Variants in ABCA13 observed in about 807,000 individuals in gnomAD.
The protein encoded by ABCA13 is ATP binding cassette subfamily A member 13, also known as ATP-binding cassette sub-family A member 13.
Under a neutral mutation model 478.7 loss-of-function variants are expected in ABCA13, and 476 were observed. The observed-to-expected ratio is 0.99, with a 90% CI of 0.92 to 1.07. The LOEUF (loss-of-function observed/expected upper bound fraction) is 1.07. ABCA13 is among the 50% of genes least tolerant of loss of function. The pLI is 0.00. For synonymous variants in ABCA13, 2,252 were observed against 2,158.9 expected, an observed-to-expected ratio of 1.04 and a Z score of -1.20; for missense variants, 6,060 against 5,910.6, an observed-to-expected ratio of 1.03 and a Z score of -0.83.
At chr7:48,570,478 C>A (rs1359258363) in intron 55 of ABCA13, among the ~76,000 whole-genome samples, 1 of 151,856 alleles carries the variant, frequency 6.6e-6, no homozygotes, top group Non-Finnish European at 1.5e-5. Context: ...GCGCCTGCCA[C>A]CACGCCTGGC....
Position 48,388,012 on chromosome 7 carries a change from T to G in ABCA13, c.11473+53T>G, listed in dbSNP as rs983422957. 6.4e-6 allele frequency: 10 copies of G among 1,571,120 alleles called. 1 individual carries two copies. In the African/African-American group the frequency reaches 1.1e-4, roughly 17 times the overall value. On this transcript the variant is annotated intron_variant, in intron 36 of 61. Coordinates refer to ENST00000435803, the MANE Select transcript of ABCA13 (RefSeq NM_152701.5). ...CATGTATTTTTCCTTTGATCCATTTTGATTTTTTTTTGTTTGTTTTTATGG... is the reference window on the plus strand; with the variant it reads ...CATGTATTTTTCCTTTGATCCATTTGGATTTTTTTTTGTTTGTTTTTATGG...
intron 38 of ABCA13, among the ~76,000 whole-genome samples, chr7:48,397,906 G>A (rs1817065256): frequency 6.6e-6 from 1 of 152,108 alleles, no homozygotes; most frequent in Non-Finnish European, 1.5e-5. Context: ...TTCTTCTTTT[G>A]TCCCCCGCTC....
intron 43 of ABCA13, among the ~76,000 whole-genome samples, chr7:48,455,577 C>T (rs1227666090): frequency 6.6e-6 from 1 of 152,188 alleles, no homozygotes; most frequent in African/African-American, 2.4e-5. Context: ...TGTCACCCGC[C>T]GACCTGCAGA....
At chr7:48,605,351 T>C (rs775073281) in intron 58 of ABCA13, among the ~76,000 whole-genome samples, 6 of 152,242 alleles carry the variant, frequency 3.9e-5, no homozygotes, top group Non-Finnish European at 5.9e-5. Flanking sequence ...TGGTATGTTT[T>C]TGCAGTGGCT....
At chr7:48,303,453 G>GT (rs1472569085) in intron 23 of ABCA13, among the ~76,000 whole-genome samples, 11 of 152,044 alleles carry the variant, frequency 7.2e-5, no homozygotes, top group Non-Finnish European at 1.6e-4. Context: ...GTCTTCCAGG[G>GT]TTTTTATAGT....
intron 59 of ABCA13, among the ~76,000 whole-genome samples, chr7:48,617,890 C>T (rs1792745587): frequency 6.6e-6 from 1 of 151,954 alleles, no homozygotes; most frequent in Non-Finnish European, 1.5e-5. Context: ...TGAGGAGCCA[C>T]AGAAATATAG....
intron 20 of ABCA13, among the ~76,000 whole-genome samples, chr7:48,293,172 C>T (rs1271768128): frequency 3.6e-5 from 5 of 140,232 alleles, no homozygotes; most frequent in African/African-American, 7.6e-5. Context: ...TAACGTTCAT[C>T]ATTTCCTGAG....
At chr7:48,592,428 G>A (rs1433474643) in intron 57 of ABCA13, among the ~76,000 whole-genome samples, 1 of 151,818 alleles carries the variant, frequency 6.6e-6, no homozygotes, top group African/African-American at 2.4e-5. Flanking sequence ...TACCATGGTG[G>A]TCTGAAATGA....
intron 47 of ABCA13, among the ~76,000 whole-genome samples, chr7:48,487,472 G>T (rs892065490): frequency 6.6e-6 from 1 of 151,934 alleles, no homozygotes; most frequent in African/African-American, 2.4e-5. Flanking sequence ...CTGTAGTGTG[G>T]TGTCATTTTT....
At chr7:48,538,758 T>A (rs200404807) in intron 55 of ABCA13, among the ~76,000 whole-genome samples, 21,166 of 152,122 alleles carry the variant, frequency 0.14, 1,831 homozygotes, top group African/African-American at 0.23. Flanking sequence ...TGATTTTTTT[T>A]GAATTCATTA....
chr7:48,226,761 C>T (rs1464308262), intron 5 of ABCA13, among the ~76,000 whole-genome samples: 2 of 152,132 alleles, frequency 1.3e-5, no homozygotes, highest in African/African-American at 4.8e-5. Context: ...AAGAAAGCCT[C>T]GGGTATCTAG....
At chr7:48,627,231 T>A (rs1040372637) in intron 59 of ABCA13, 1 of 230,314 alleles carries the variant, frequency 4.3e-6, no homozygotes, top group African/African-American at 2.3e-5. Flanking sequence ...GAAAAGCAGT[T>A]TTCAAACTCA....
chr7:48,278,086 A>T lies in ABCA13; in HGVS notation c.6900-8A>T, dbSNP rs10246853. ...AAATTAAAAGTATATATATATATAT[A>T]TTTACAGTTTTGTCCCAAAAGATAA... On this transcript the variant is annotated splice_polypyrimidine_tract_variant and splice_region_variant and intron_variant, in intron 17 of 61. Coordinates refer to ENST00000435803, the MANE Select transcript of ABCA13 (RefSeq NM_152701.5). 0.33 allele frequency: 345,116 copies of T among 1,053,346 alleles called. 57,040 individuals are homozygous for T. Among genetic ancestry groups the T allele is most frequent in the Middle Eastern group, 0.4 (1,375 of 3,400 alleles). The allele number at this position is 1,053,346 out of a possible 1,614,324, so 65.2% of individuals were successfully genotyped here. A position where few individuals can be genotyped will look rare whatever the true frequency, so the allele number is the denominator to read the frequency against.
intron 33 of ABCA13, 40 bp from the exon 34 acceptor site, chr7:48,374,307 A>C (rs1307109066): frequency 6.4e-7 from 1 of 1,571,840 alleles, no homozygotes. Context: ...TCCCAATCAA[A>C]ACACTAACGT....
At chr7:48,247,928 G>A (rs1298956134) in intron 13 of ABCA13, among the ~76,000 whole-genome samples, 2 of 152,176 alleles carry the variant, frequency 1.3e-5, no homozygotes, top group Non-Finnish European at 2.9e-5. Flanking sequence ...GTGGTACTGA[G>A]AGTGAGACTC....
chr7:48,553,704 T>C (rs1609213), intron 55 of ABCA13, among the ~76,000 whole-genome samples: 21,076 of 152,046 alleles, frequency 0.14, 1,829 homozygotes, highest in African/African-American at 0.23. Flanking sequence ...TGTATTCTGG[T>C]TACTAATCCC....
At chr7:48,521,437 C>A (rs1479213839) in intron 53 of ABCA13, among the ~76,000 whole-genome samples, 1 of 152,070 alleles carries the variant, frequency 6.6e-6, no homozygotes. Context: ...GTTACATAAC[C>A]CCTTTTAATA....
At chr7:48,622,314 C>T (rs1348466822) in intron 59 of ABCA13, among the ~76,000 whole-genome samples, 1 of 152,172 alleles carries the variant, frequency 6.6e-6, no homozygotes, top group Non-Finnish European at 1.5e-5. Context: ...TTCTCAGTTT[C>T]TCTAGCCTGG....
At chr7:48,550,826 A>C (rs979066458) in intron 55 of ABCA13, among the ~76,000 whole-genome samples, 1 of 151,252 alleles carries the variant, frequency 6.6e-6, no homozygotes, top group Non-Finnish European at 1.5e-5. Flanking sequence ...TCCCCACACT[A>C]TCAGTGTGCA....
Sources: allele counts gnomAD v4.1 joint callset (sites outside exome capture counted in the v4.1 genomes callset), GRCh38; gene constraint gnomAD v4.1.1; transcripts MANE v1.5; gene names NCBI Gene and HGNC (gene_info 2026-07-23, HGNC 2026-07-21).